Variants in ARHGAP21 observed in about 807,000 individuals in gnomAD.
ARHGAP21 encodes the protein Rho GTPase activating protein 21, also known as rho GTPase-activating protein 21.
In ARHGAP21, 38 loss-of-function variants were observed where a neutral mutation model predicts 164.6. The observed-to-expected ratio is 0.23, with a 90% CI of 0.18 to 0.30. The LOEUF (loss-of-function observed/expected upper bound fraction) is 0.30. Among genes scored for constraint, ARHGAP21 ranks in the 10% least tolerant of loss-of-function variants. ARHGAP21 has a pLI of 1.00. For synonymous variants in ARHGAP21, 766 were observed against 857.9 expected (o/e 0.89, Z 1.87); for missense variants, 1,822 against 2,370.7 (o/e 0.77, Z 4.81).
At chr10:24,610,050 G>A (rs939729341) in intron 9 of ARHGAP21, among the ~76,000 whole-genome samples, 21 of 152,126 alleles carry the variant, frequency 1.4e-4, no homozygotes, top group African/African-American at 3.6e-4. Flanking sequence ...ATAAACATTC[G>A]TGTTAAACTA....
At chr10:24,591,469 C>T (rs955598924) in intron 23 of ARHGAP21, 139 bp from the exon 24 acceptor site, 7 of 1,103,720 alleles carry the variant, frequency 6.3e-6, no homozygotes, top group Non-Finnish European at 9.4e-6. Context: ...GCATAATTAA[C>T]TGCAAAATAA....
intron 7 of ARHGAP21, among the ~76,000 whole-genome samples, chr10:24,625,182 T>A (rs1835000137): frequency 6.7e-6 from 1 of 150,084 alleles, no homozygotes; most frequent in African/African-American, 2.4e-5. Context: ...TGATTATATG[T>A]ACAATGCCTA....
At chr10:24,622,433 CATAT>C (rs10530408) in intron 8 of ARHGAP21, among the ~76,000 whole-genome samples, 1,007 of 88,962 alleles carry the variant, frequency 0.011, 8 homozygotes, top group Non-Finnish European at 0.016. Context: ...ACTTAAAAAA[CATAT>C]ATATATATAT....
At chr10:24,614,094 C>T (rs1283518704) in intron 9 of ARHGAP21, among the ~76,000 whole-genome samples, 1 of 152,226 alleles carries the variant, frequency 6.6e-6, no homozygotes, top group African/African-American at 2.4e-5. Context: ...ACCAATTTCA[C>T]TAATCTATCT....
chr10:24,620,527 G>A lies in ARHGAP21; in HGVS notation c.1368C>T (p.Arg456=), dbSNP rs762615676. ...CTTCCAGTCTTTCTTGGGACACACT[G>A]CGTTGCCGTATCTGGACAGACTGGG... The part of the protein sequence containing the change: ...RVPQSVQIRQ[R]SVSQERLEDS... Residue 456 remains arginine (R), a synonymous_variant, in exon 9 of 26, where the codon CGC becomes CGT. Coordinates refer to ENST00000396432, the MANE Select transcript of ARHGAP21 (RefSeq NM_020824.4). The A allele has an allele frequency of 6.2e-7, 1 of 1,611,876 alleles. No individual in the cohort carries two copies. The highest frequency in any genetic ancestry group is 1.1e-5 in the South Asian group (1 of 90,808).
chr10:24,603,546 A>G (rs1373249900), intron 12 of ARHGAP21, among the ~76,000 whole-genome samples: 1 of 152,202 alleles, frequency 6.6e-6, no homozygotes, highest in African/African-American at 2.4e-5. Context: ...CAGTGAGTGA[A>G]TGAGTCACTG....
chr10:24,594,141 A>G (rs2076470485), intron 21 of ARHGAP21, among the ~76,000 whole-genome samples: 1 of 152,224 alleles, frequency 6.6e-6, no homozygotes, highest in African/African-American at 2.4e-5. Flanking sequence ...TCTTCTCCAG[A>G]AATTAAAACG....
chr10:24,650,367 CA>C (rs1838033969), intron 4 of ARHGAP21, among the ~76,000 whole-genome samples: 1 of 151,684 alleles, frequency 6.6e-6, no homozygotes, highest in African/African-American at 2.4e-5. Context: ...TAAAAAACAA[CA>C]AAAAAAGCAA....
rs12573421 is a variant in ARHGAP21 at position 24,694,901 on chromosome 10, A to T, written c.64-24504T>A. 1.5e-3 allele frequency among the ~76,000 whole-genome samples: 229 copies of T among 152,116 alleles called. 5 individuals carry two copies. The East Asian group carries it at 0.038, about 25-fold the overall frequency. ...CCCTGTCTCTACTAAAAATAGAAAA[A>T]TTAGCTGGGCATGCTGGCACGCACC... On this transcript the variant is annotated intron_variant, in intron 2 of 25. Coordinates refer to ENST00000396432, the MANE Select transcript of ARHGAP21 (RefSeq NM_020824.4).
At chr10:24,638,838 A>T (rs1264003156) in intron 4 of ARHGAP21, among the ~76,000 whole-genome samples, 2 of 152,220 alleles carry the variant, frequency 1.3e-5, no homozygotes, top group Non-Finnish European at 2.9e-5. Context: ...GGCTAAAGTA[A>T]CCAGGTTCAA....
intron 2 of ARHGAP21, among the ~76,000 whole-genome samples, chr10:24,705,020 T>A (rs1294504062): frequency 1.3e-5 from 2 of 152,172 alleles, no homozygotes; most frequent in African/African-American, 4.8e-5. Context: ...AAAGCACTTT[T>A]GATATCGCTG....
At chr10:24,668,832 T>C (rs1593232886) in intron 3 of ARHGAP21, among the ~76,000 whole-genome samples, 1 of 152,202 alleles carries the variant, frequency 6.6e-6, no homozygotes, top group African/African-American at 2.4e-5. Context: ...AATACATGTT[T>C]ATATAAGTTT....
At chr10:24,595,281 A>C in intron 19 of ARHGAP21, 91 bp from the exon 20 acceptor site, 2 of 1,072,678 alleles carry the variant, frequency 1.9e-6, no homozygotes, top group Non-Finnish European at 2.7e-6. Flanking sequence ...TTAAACCACA[A>C]CATAGGAAAG....
At position 24,689,568 on chromosome 10, in the gene ARHGAP21, C is replaced by T. The variant is rs147789542; in HGVS notation, c.64-19171G>A. 2.0e-3 allele frequency among the ~76,000 whole-genome samples: 297 copies of T among 152,020 alleles called. 1 individual carries two copies. Among genetic ancestry groups the T allele is most frequent in the African/African-American group, 7.0e-3 (290 of 41,480 alleles). ...CAGCCTGGGCAATATGGCAAAACCC[C>T]ATCTCTACAAAAAATACAAAAAATT... On this transcript the variant is annotated intron_variant, in intron 2 of 25. Transcript: ENST00000396432.
intron 9 of ARHGAP21, among the ~76,000 whole-genome samples, chr10:24,614,645 T>A (rs1271077112): frequency 6.6e-6 from 1 of 150,896 alleles, no homozygotes; most frequent in African/African-American, 2.4e-5. Flanking sequence ...TAGCCGGGTG[T>A]GGTGGCACAC....
intron 2 of ARHGAP21, among the ~76,000 whole-genome samples, chr10:24,678,205 A>C (rs1364100741): frequency 1.3e-5 from 2 of 152,220 alleles, no homozygotes; most frequent in Non-Finnish European, 2.9e-5. Context: ...ACTATAGTAC[A>C]ACATCACAAC....
intron 2 of ARHGAP21, among the ~76,000 whole-genome samples, chr10:24,699,742 G>A (rs1843488779): frequency 6.6e-6 from 1 of 152,176 alleles, no homozygotes; most frequent in South Asian, 2.1e-4. Context: ...GTGCTGCTCT[G>A]CACCTTCTTA....
chr10:24,687,691 C>T (rs1248423276), intron 2 of ARHGAP21, among the ~76,000 whole-genome samples: 2 of 152,300 alleles, frequency 1.3e-5, no homozygotes, highest in East Asian at 3.9e-4. Context: ...AAAACAATTA[C>T]TTCCCTTCCC....
At chr10:24,607,435 T>C in intron 11 of ARHGAP21, 64 bp downstream of exon 11, 1 of 1,327,880 alleles carries the variant, frequency 7.5e-7, no homozygotes, top group Middle Eastern at 2.7e-4. Context: ...TGAACTTATG[T>C]GTCAAGGTCA....
Sources: gnomAD v4.1 joint callset for allele counts (sites outside exome capture counted in the v4.1 genomes callset) on GRCh38, gnomAD v4.1.1 for gene constraint, MANE v1.5 for transcripts, NCBI Gene and HGNC (gene_info 2026-07-23, HGNC 2026-07-21) for gene names.